TRIM71: variants seen among roughly 807,000 people sequenced by gnomAD.
TRIM71 encodes the protein tripartite motif containing 71.
A neutral mutation model predicts 61.2 loss-of-function variants in TRIM71; 9 were observed. That is an observed-to-expected ratio of 0.15 (90% CI 0.09 to 0.26). The LOEUF (loss-of-function observed/expected upper bound fraction) is 0.26. Among genes scored for constraint, TRIM71 ranks in the 10% least tolerant of loss-of-function variants. The probability of loss-of-function intolerance (pLI) is 1.00; values close to 1 mark genes in which losing one functional copy is unlikely to be tolerated. For missense variants in TRIM71, 998 were observed against 1,238.7 expected (o/e 0.81, Z 2.92); for synonymous variants, 645 against 553.2 (o/e 1.17, Z -2.33).
intron 1 of TRIM71, among the ~76,000 whole-genome samples, chr3:32,833,693 C>G (rs1696301489): frequency 6.7e-6 from 1 of 149,978 alleles, no homozygotes; most frequent in Non-Finnish European, 1.5e-5. Flanking sequence ...TTGGCTCAGG[C>G]TAAAGTGCAG....
rs1227767931 is a variant in TRIM71 at position 32,896,153 on chromosome 3, G to C, written c.*4342G>C. 2.0e-5 allele frequency: 3 copies of C among 152,104 alleles called. No homozygotes were observed. The highest frequency in any genetic ancestry group is 4.8e-5 in the African/African-American group (2 of 41,420). The allele number at this position is 152,104 out of a possible 1,614,324, so 9.4% of individuals were successfully genotyped here. ...ACTTAACTACAAATAAAGACCTTTA[G>C]GTCTCTTTCTCTTCAAGAGAAAAAT... On this transcript the variant is annotated 3_prime_UTR_variant, in exon 4 of 4. Transcript: ENST00000383763.
chr3:32,857,395 C>T (rs1188334768), intron 1 of TRIM71, among the ~76,000 whole-genome samples: 1 of 152,176 alleles, frequency 6.6e-6, no homozygotes, highest in Non-Finnish European at 1.5e-5. Flanking sequence ...TGGAGTCATT[C>T]TGTGCAAAAT....
intron 1 of TRIM71, among the ~76,000 whole-genome samples, chr3:32,828,819 C>G (rs1473022537): frequency 6.6e-6 from 1 of 151,958 alleles, no homozygotes; most frequent in South Asian, 2.1e-4. Flanking sequence ...TTTTATATGA[C>G]ATGTTTGAAA....
intron 1 of TRIM71, among the ~76,000 whole-genome samples, chr3:32,852,759 TA>T (rs36040321): frequency 0.042 from 5,668 of 133,812 alleles, 202 homozygotes; most frequent in African/African-American, 0.11. Context: ...TACTGTCTTT[TA>T]AAAAAAAAAA....
rs1258480513 is a variant in TRIM71 at position 32,873,864 on chromosome 3, A to G, written c.899A>G (p.Glu300Gly). 2 of 1,613,476 alleles carry G rather than the reference A, an allele frequency of 1.2e-6. No homozygotes were observed. Among genetic ancestry groups the G allele is most frequent in the South Asian group, 2.2e-5 (2 of 90,960 alleles). The change falls in exon 2 of 4, where the codon GAG (glutamate) becomes GGG (glycine). Residue 300 changes from glutamate to glycine, a missense_variant. Glu to Gly is a moderately conservative substitution (Grantham distance 98). Coordinates refer to ENST00000383763, the MANE Select transcript of TRIM71 (RefSeq NM_001039111.3). ...ACTTGCTCTGTACCCATCTGTCGTG[A>G]GTGCACAATGGGCCGGCATGGGGGC... is the stretch of plus-strand genomic sequence containing the variant. ...CDTCSVPICR[E>G]CTMGRHGGHS...
At chr3:32,833,863 C>T (rs559723835) in intron 1 of TRIM71, among the ~76,000 whole-genome samples, 1 of 152,106 alleles carries the variant, frequency 6.6e-6, no homozygotes. Context: ...TGCTATGCCC[C>T]ACCCCCATCC....
At position 32,840,791 on chromosome 3, in the gene TRIM71, C is replaced by T. The variant is rs1333638055; in HGVS notation, c.852+21859C>T. On this transcript the variant is annotated intron_variant, in intron 1 of 3. Coordinates refer to ENST00000383763, the MANE Select transcript of TRIM71 (RefSeq NM_001039111.3). The stretch of plus-strand genomic sequence containing the variant: ...CCCAAGTGGCTAACACTGGTGAAGC[C>T]TTGCGACTCTGCTGCTGGGGAGCTT... Among the ~76,000 whole-genome samples the T allele has an allele frequency of 2.2e-5, 3 of 135,470 alleles. No individual in the cohort carries two copies. The East Asian group carries it at 5.9e-4, about 27-fold the overall frequency. The allele number at this position is 135,470 out of a possible 152,430, so 88.9% of individuals were successfully genotyped here. A position where few individuals can be genotyped will look rare whatever the true frequency, so the allele number is the denominator to read the frequency against.
At chr3:32,821,904 C>A (rs1391885460) in intron 1 of TRIM71, among the ~76,000 whole-genome samples, 2 of 152,066 alleles carry the variant, frequency 1.3e-5, no homozygotes, top group Non-Finnish European at 2.9e-5. Flanking sequence ...CGCAGGCACC[C>A]GCTGGGGTAT....
chr3:32,852,448 G>C (rs1322696446), intron 1 of TRIM71, among the ~76,000 whole-genome samples: 1 of 152,208 alleles, frequency 6.6e-6, no homozygotes, highest in Middle Eastern at 3.2e-3. Flanking sequence ...GGGGCTCTCA[G>C]ATGTGAGAAC....
intron 1 of TRIM71, among the ~76,000 whole-genome samples, chr3:32,859,947 C>G (rs1366144361): frequency 6.6e-6 from 1 of 152,138 alleles, no homozygotes; most frequent in Non-Finnish European, 1.5e-5. Context: ...CCTTCTTCCT[C>G]AGGTCATACC....
At chr3:32,828,108 T>G (rs915053305) in intron 1 of TRIM71, among the ~76,000 whole-genome samples, 1 of 152,170 alleles carries the variant, frequency 6.6e-6, no homozygotes, top group African/African-American at 2.4e-5. Flanking sequence ...TTACCATGTA[T>G]TGGACACTTA....
At chr3:32,885,823 TG>T in intron 2 of TRIM71, 110 bp from the exon 3 acceptor site, 1 of 1,464,204 alleles carries the variant, frequency 6.8e-7, no homozygotes, top group Non-Finnish European at 9.1e-7. Context: ...TCAAGTGGTC[TG>T]GGAACCCAGG....
chr3:32,823,825 C>A (rs950340689), intron 1 of TRIM71, among the ~76,000 whole-genome samples: 1 of 150,452 alleles, frequency 6.6e-6, no homozygotes, highest in Non-Finnish European at 1.5e-5. Flanking sequence ...TGAGCCACCG[C>A]GCCTTTGGGA....
At chr3:32,875,486 C>T (rs1462003872) in intron 2 of TRIM71, among the ~76,000 whole-genome samples, 3 of 152,168 alleles carry the variant, frequency 2.0e-5, no homozygotes, top group African/African-American at 7.2e-5. Flanking sequence ...ATTGTTCACC[C>T]TCTAGGAGAA....
At chr3:32,823,776 A>G (rs1696167119) in intron 1 of TRIM71, among the ~76,000 whole-genome samples, 1 of 146,572 alleles carries the variant, frequency 6.8e-6, no homozygotes, top group Non-Finnish European at 1.5e-5. Flanking sequence ...AAAAAGATAC[A>G]GGGAAATCTT....
intron 3 of TRIM71, among the ~76,000 whole-genome samples, chr3:32,887,680 A>G (rs1198917127): frequency 6.6e-6 from 1 of 152,008 alleles, no homozygotes; most frequent in Non-Finnish European, 1.5e-5. Context: ...ATGTATTTCC[A>G]GTGGACTTGG....
intron 2 of TRIM71, among the ~76,000 whole-genome samples, chr3:32,878,066 A>T (rs1251447639): frequency 6.6e-6 from 1 of 152,244 alleles, no homozygotes; most frequent in East Asian, 1.9e-4. Flanking sequence ...CCATCAGAGG[A>T]ATCACTATCT....
At position 32,873,901 on chromosome 3, in the gene TRIM71, C is replaced by T. The variant is rs1423871656; in HGVS notation, c.936C>T (p.Ile312=). 1 of 1,613,924 alleles carries T rather than the reference C, an allele frequency of 6.2e-7. No individual in the cohort carries two copies. Among genetic ancestry groups the T allele is most frequent in the African/African-American group, 1.3e-5 (1 of 74,928 alleles). ...TMGRHGGHSF[I]YLQEALQDSR... is the part of the protein sequence containing the mutation. ...GCCGGCATGGGGGCCACAGCTTCAT[C>T]TACCTCCAGGAGGCACTGCAGGACT... Residue 312 remains isoleucine (I), a synonymous_variant, in exon 2 of 4, where the codon ATC becomes ATT. Transcript: ENST00000383763.
At chr3:32,863,731 G>T (rs896502548) in intron 1 of TRIM71, among the ~76,000 whole-genome samples, 2 of 152,054 alleles carry the variant, frequency 1.3e-5, no homozygotes, top group African/African-American at 2.4e-5. Context: ...ACCCAGGCTG[G>T]AGTGCAGTGG....
Sources: gnomAD v4.1 joint callset for allele counts (sites outside exome capture counted in the v4.1 genomes callset) on GRCh38, gnomAD v4.1.1 for gene constraint, MANE v1.5 for transcripts, NCBI Gene and HGNC (gene_info 2026-07-23, HGNC 2026-07-21) for gene names.